OLFML2A: variants seen among roughly 807,000 people sequenced by gnomAD.
OLFML2A encodes olfactomedin like 2A.
Under a neutral mutation model 60.9 loss-of-function variants are expected in OLFML2A, and 47 were observed. That is an observed-to-expected ratio of 0.77 (90% CI 0.61 to 0.98). The LOEUF is 0.98. OLFML2A is among the 50% of genes least tolerant of loss of function. The probability of loss-of-function intolerance (pLI) is 0.00; values close to 1 mark genes in which losing one functional copy is unlikely to be tolerated. For missense variants in OLFML2A, 922 were observed against 879.8 expected (o/e 1.05, Z -0.61); for synonymous variants, 372 against 375.0 (o/e 0.99, Z 0.09).
At chr9:124,792,928 G>A (rs1359392239) in intron 2 of OLFML2A, among the ~76,000 whole-genome samples, 2 of 40,946 alleles carry the variant, frequency 4.9e-5, no homozygotes, top group Admixed American at 3.7e-4. Flanking sequence ...GCAGACCCTC[G>A]GGGCCAAAGC....
rs1026081515 is a variant in OLFML2A at position 124,779,417 on chromosome 9, G to A, written c.90+2057G>A. On this transcript the variant is annotated intron_variant, in intron 1 of 7. Transcript: ENST00000373580. This position sits in a 1 kb window ranked among gnomAD's most constrained non-coding sequence, Gnocchi z 4.1. ...GGAGGGATATTTGGTGTTGGGCATCGTCTGTGCAGAGAGCTGTAGAGCTTG... is the reference window on the plus strand; with the variant it reads ...GGAGGGATATTTGGTGTTGGGCATCATCTGTGCAGAGAGCTGTAGAGCTTG... 4.6e-5 allele frequency among the ~76,000 whole-genome samples: 7 copies of A among 152,166 alleles called. No homozygotes were observed. Among genetic ancestry groups the A allele is most frequent in the African/African-American group, 1.4e-4 (6 of 41,440 alleles).
intron 2 of OLFML2A, among the ~76,000 whole-genome samples, chr9:124,790,004 C>T (rs1841543067): frequency 6.6e-6 from 1 of 152,210 alleles, no homozygotes; most frequent in South Asian, 2.1e-4. Context: ...GACATGAGGA[C>T]ACAAAGCCCT....
intron 1 of OLFML2A, among the ~76,000 whole-genome samples, chr9:124,780,018 G>T (rs1338724050): frequency 1.3e-5 from 2 of 152,218 alleles, no homozygotes; most frequent in African/African-American, 4.8e-5. Context: ...GACTCTGTTG[G>T]TCTCCTTGGC....
chr9:124,784,943 GTT>G (rs750733365), intron 1 of OLFML2A, among the ~76,000 whole-genome samples: 3 of 69,542 alleles, frequency 4.3e-5, no homozygotes, highest in African/African-American at 1.9e-4. Context: ...CCTTTTACTT[GTT>G]TTTTTTTTTT....
At position 124,810,728 on chromosome 9, in the gene OLFML2A, A is replaced by G; in HGVS notation, c.*316A>G. ...AGAGAGGCACCGTCCCTTGCCTAAC[A>G]CCTCAGTTGTGATCAGGCAGGCTGT... On this transcript the variant is annotated 3_prime_UTR_variant, in exon 8 of 8. Transcript: ENST00000373580. 2.8e-6 allele frequency: 1 copy of G among 355,514 alleles called. No individual in the cohort carries two copies. The highest frequency in any genetic ancestry group is 5.2e-6 in the Non-Finnish European group (1 of 193,524). The allele number at this position is 355,514 out of a possible 1,614,324, so 22.0% of individuals were successfully genotyped here.
At chr9:124,791,737 CAAAAAAAAAAAAAAAAAAA>C (rs10553820) in intron 2 of OLFML2A, among the ~76,000 whole-genome samples, 4 of 74,908 alleles carry the variant, frequency 5.3e-5, no homozygotes, top group Non-Finnish European at 1.0e-4. Context: ...GACTCTGTCT[CAAAAAAAAAAAAAAAAAAA>C]AAAGAAAGAA....
intron 2 of OLFML2A, 108 bp downstream of exon 2, chr9:124,787,346 C>G: frequency 9.2e-7 from 1 of 1,088,840 alleles, no homozygotes; most frequent in South Asian, 1.5e-5. Context: ...GTGTTACTGC[C>G]CCATTTCACA....
rs1482010300 is a variant in OLFML2A, at chr9:124,810,220, C to T, written c.1767C>T (p.Asp589=). The change falls in exon 8 of 8, where the codon GAC becomes GAT. Residue 589 remains aspartate, a synonymous_variant. Coordinates refer to ENST00000373580, the MANE Select transcript of OLFML2A (RefSeq NM_182487.4). ...FLVCGILYAV[D]TYNQQEGQVA... Reference sequence around the variant, plus strand: ...TGTGCGGCATCCTGTATGCCGTGGACACGTACAACCAGCAGGAAGGCCAGG... The same window carrying T: ...TGTGCGGCATCCTGTATGCCGTGGATACGTACAACCAGCAGGAAGGCCAGG... The T allele has an allele frequency of 1.9e-6, 3 of 1,613,612 alleles. No individual in the cohort carries two copies. Among genetic ancestry groups the T allele is most frequent in the Middle Eastern group, 1.6e-4 (1 of 6,062 alleles).
intron 7 of OLFML2A, among the ~76,000 whole-genome samples, chr9:124,809,003 A>T (rs1478562584): frequency 6.0e-5 from 5 of 83,982 alleles, no homozygotes; most frequent in Non-Finnish European, 1.2e-4. Flanking sequence ...TAAAAAATTA[A>T]AAAAAAAAAA....
In OLFML2A at chr9:124,801,542, C is replaced by G. The variant is rs147191015; in HGVS notation, c.798C>G (p.Ser266Arg). 1 of 1,614,084 alleles carries G rather than the reference C, an allele frequency of 6.2e-7. No individual in the cohort carries two copies. Among genetic ancestry groups the G allele is most frequent in the East Asian group, 2.2e-5 (1 of 44,876 alleles). ...AGGTGGAGAAGCTGAGAAAGGAGAGCGGCAAGGGCAGTTTCCTCCAGCCCA... is the reference window on the plus strand; with the variant it reads ...AGGTGGAGAAGCTGAGAAAGGAGAGGGGCAAGGGCAGTTTCCTCCAGCCCA... ...LLQVEKLRKE[S>R]GKGSFLQPTA... Residue 266 changes from serine to arginine, a missense_variant, in exon 5 of 8, where the codon AGC becomes AGG. Transcript: ENST00000373580.
chr9:124,812,265 A>G lies in OLFML2A; in HGVS notation c.*1853A>G, dbSNP rs1347895971. 6.6e-6 allele frequency: 1 copy of G among 150,542 alleles called. No homozygotes were observed. Among genetic ancestry groups the G allele is most frequent in the Admixed American group, 6.7e-5 (1 of 14,992 alleles). 9.3% of individuals were successfully genotyped at this position (150,542 alleles called of 1,614,324 possible). On this transcript the variant is annotated 3_prime_UTR_variant, in exon 8 of 8. Transcript: ENST00000373580. Reference sequence around the variant, plus strand: ...AACCTCTGCCCCCTGGGTTCAAGCGATTCTCCTGCCTCAGCCTCCCTAGTA... The same window carrying G: ...AACCTCTGCCCCCTGGGTTCAAGCGGTTCTCCTGCCTCAGCCTCCCTAGTA...
intron 1 of OLFML2A, among the ~76,000 whole-genome samples, chr9:124,785,768 T>G (rs1841458781): frequency 6.6e-6 from 1 of 152,094 alleles, no homozygotes; most frequent in African/African-American, 2.4e-5. Flanking sequence ...TTATGGGAAT[T>G]TTATGTTTAA....
Position 124,812,182 on chromosome 9 carries a change from T to A in OLFML2A, c.*1770T>A, listed in dbSNP as rs1842033061. On this transcript the variant is annotated 3_prime_UTR_variant, in exon 8 of 8. Coordinates refer to ENST00000373580, the MANE Select transcript of OLFML2A (RefSeq NM_182487.4). ...AATGCCTTTTTTTTTTTTTTTGAGT[T>A]GGAGTTTTGCTCTTGTCGCCCAGGC... 1 of 151,800 alleles carries A rather than the reference T, an allele frequency of 6.6e-6. No individual in the cohort carries two copies. The highest frequency in any genetic ancestry group is 2.4e-5 in the African/African-American group (1 of 41,164). 9.4% of individuals were successfully genotyped at this position (151,800 alleles called of 1,614,324 possible).
At chr9:124,781,475 GA>G (rs1841360149) in intron 1 of OLFML2A, among the ~76,000 whole-genome samples, 1 of 152,086 alleles carries the variant, frequency 6.6e-6, no homozygotes, top group Admixed American at 6.5e-5. Context: ...TGGCCATGAG[GA>G]AAAAGGGCAG....
At chr9:124,805,864 G>A (rs1841889038) in intron 6 of OLFML2A, among the ~76,000 whole-genome samples, 1 of 134,788 alleles carries the variant, frequency 7.4e-6, no homozygotes, top group African/African-American at 2.9e-5. Flanking sequence ...GGTCCAGGCT[G>A]GAGTGCAGTA....
intron 1 of OLFML2A, among the ~76,000 whole-genome samples, chr9:124,780,855 A>G (rs975773294): frequency 6.6e-6 from 1 of 151,870 alleles, no homozygotes; most frequent in Non-Finnish European, 1.5e-5. Context: ...CTGAGGCTCA[A>G]AAGAGTCTGA....
Position 124,811,410 on chromosome 9 carries a change from A to G in OLFML2A, c.*998A>G, listed in dbSNP as rs1842018519. The G allele has an allele frequency of 6.5e-6, 1 of 152,744 alleles. No homozygotes were observed. The highest frequency in any genetic ancestry group is 1.5e-5 in the Non-Finnish European group (1 of 68,134). 9.5% of individuals were successfully genotyped at this position (152,744 alleles called of 1,614,324 possible). On this transcript the variant is annotated 3_prime_UTR_variant, in exon 8 of 8. Transcript: ENST00000373580. Reference sequence around the variant, plus strand: ...ACCCACAACCTTTACACACTCAGGGATACCTCCGGGTCTGCCATGAATAAG... The same window carrying G: ...ACCCACAACCTTTACACACTCAGGGGTACCTCCGGGTCTGCCATGAATAAG...
rs775298341 is a variant in OLFML2A, at chr9:124,804,199, C to T, written c.1025C>T (p.Pro342Leu). Reference protein sequence around the residue: ...PNSAEQDEAEPRSSERVDLAS... With the variant: ...PNSAEQDEAELRSSERVDLAS... ...TCCGCAGAGCAGGATGAGGCTGAGC[C>T]CAGGTCCTCCGAGCGAGTGGACCTG... The change falls in exon 6 of 8, where the codon CCC becomes CTC. Residue 342 changes from proline to leucine, a missense_variant. Physicochemically the swap from Pro to Leu is moderately conservative, Grantham distance 98 (BLOSUM62 -3). Coordinates refer to ENST00000373580, the MANE Select transcript of OLFML2A (RefSeq NM_182487.4). 3 of 1,614,108 alleles carry T rather than the reference C, an allele frequency of 1.9e-6. No homozygotes were observed. Among genetic ancestry groups the T allele is most frequent in the Non-Finnish European group, 2.5e-6 (3 of 1,180,016 alleles).
In OLFML2A at chr9:124,779,433, G is replaced by A. The variant is rs1293467786; in HGVS notation, c.90+2073G>A. 6.6e-6 allele frequency among the ~76,000 whole-genome samples: 1 copy of A among 152,176 alleles called. No individual in the cohort carries two copies. The highest frequency in any genetic ancestry group is 1.5e-5 in the Non-Finnish European group (1 of 68,038). ...TTGGGCATCGTCTGTGCAGAGAGCT[G>A]TAGAGCTTGTGGGGGAGAGCTCACA... On this transcript the variant is annotated intron_variant, in intron 1 of 7. Coordinates refer to ENST00000373580, the MANE Select transcript of OLFML2A (RefSeq NM_182487.4). The surrounding 1 kb of genome is among the most constrained non-coding windows in gnomAD (Gnocchi z 4.1).
Sources: allele counts gnomAD v4.1 joint callset (sites outside exome capture counted in the v4.1 genomes callset), GRCh38; gene constraint gnomAD v4.1.1; non-coding constraint Gnocchi (gnomAD v3.1); transcripts MANE v1.5; gene names NCBI Gene and HGNC (gene_info 2026-07-23, HGNC 2026-07-21).